CARNS1: variants seen among roughly 807,000 people sequenced by gnomAD.
The protein encoded by CARNS1 is ATP-grasp domain containing 1.
A neutral mutation model predicts 74.0 loss-of-function variants in CARNS1; 61 were observed. That is an observed-to-expected ratio of 0.82 (90% CI 0.67 to 1.02). The LOEUF (loss-of-function observed/expected upper bound fraction) is 1.02. CARNS1 is among the 50% of genes least tolerant of loss of function. CARNS1 has a pLI of 0.00. For missense variants in CARNS1, 1,278 were observed against 1,308.4 expected (o/e 0.98, Z 0.36); for synonymous variants, 568 against 605.5 (o/e 0.94, Z 0.91).
chr11:67,418,446 A>AG lies in CARNS1; in HGVS notation c.292dup (p.Val98GlyfsTer47). 1.4e-6 allele frequency: 2 copies of AG among 1,458,684 alleles called. No individual in the cohort carries two copies. The highest frequency in any genetic ancestry group is 1.8e-6 in the Non-Finnish European group (2 of 1,108,936). The allele number at this position is 1,458,684 out of a possible 1,614,324, so 90.4% of individuals were successfully genotyped here. ...CTTTCCCGAGGCTGTCCTGGGGCGG[A>AG]GGTGACCTTGTGCGTTCTGGGCTCC... On this transcript the variant is annotated frameshift_variant, in exon 4 of 10. Coordinates refer to ENST00000687366, the MANE Select transcript of CARNS1 (RefSeq NM_001166222.2). LOFTEE classifies it high-confidence loss of function.
Position 67,421,086 on chromosome 11 carries a change from C to T in CARNS1, c.1493C>T (p.Ala498Val). 5.8e-6 allele frequency: 8 copies of T among 1,379,142 alleles called. No individual in the cohort carries two copies. The highest frequency in any genetic ancestry group is 6.5e-6 in the Non-Finnish European group (7 of 1,076,212). 85.4% of individuals were successfully genotyped at this position (1,379,142 alleles called of 1,614,324 possible). A position where few individuals can be genotyped will look rare whatever the true frequency, so the allele number is the denominator to read the frequency against. Residue 498 changes from alanine to valine, a missense_variant, in exon 9 of 10, where the codon GCG becomes GTG. Around this residue, in one of 3 missense-constraint regions of CARNS1, gnomAD observed 1,164 missense variants for 1,156.5 expected, o/e 1.01. Coordinates refer to ENST00000687366, the MANE Select transcript of CARNS1 (RefSeq NM_001166222.2). ...RLGPAADEAV[A>V]APLVETMLRR... The stretch of plus-strand genomic sequence containing the variant: ...GGGCCGGCGGCCGACGAGGCGGTGG[C>T]GGCGCCGCTGGTGGAGACCATGCTT...
rs1349938642 is a variant in CARNS1, at chr11:67,421,170, G to A, written c.1577G>A (p.Gly526Asp). 2 of 1,496,622 alleles carry A rather than the reference G, an allele frequency of 1.3e-6. No homozygotes were observed. Among genetic ancestry groups the A allele is most frequent in the Non-Finnish European group, 1.8e-6 (2 of 1,129,130 alleles). The allele number at this position is 1,496,622 out of a possible 1,614,324, so 92.7% of individuals were successfully genotyped here. A position where few individuals can be genotyped will look rare whatever the true frequency, so the allele number is the denominator to read the frequency against. ...GKQLLVVGAGGVSKKFVWEAA... is the reference protein window; with the variant it reads ...GKQLLVVGAGDVSKKFVWEAA... ...CAGCTGCTGGTGGTCGGCGCTGGCG[G>A]CGTCAGCAAGAAGTTCGTGTGGGAG... The change falls in exon 9 of 10, where the codon GGC becomes GAC. Residue 526 changes from glycine to aspartate, a missense_variant. Gly to Asp is a moderately conservative substitution (Grantham distance 94). Around this residue, in one of 3 missense-constraint regions of CARNS1, gnomAD observed 1,164 missense variants for 1,156.5 expected, o/e 1.01. Transcript: ENST00000687366.
chr11:67,419,857 C>T lies in CARNS1; in HGVS notation c.1113+19C>T, dbSNP rs1302689848. On this transcript the variant is annotated intron_variant, in intron 7 of 9. Transcript: ENST00000687366. ...GAGCAAGGTGAGCGTGGCCCAGGCC[C>T]AGGCTGTGACCCTGCCTGCCACACG... The T allele has an allele frequency of 1.9e-6, 3 of 1,560,040 alleles. No individual in the cohort carries two copies. Among genetic ancestry groups the T allele is most frequent in the African/African-American group, 2.7e-5 (2 of 73,260 alleles).
rs1417107853 is a variant in CARNS1, at chr11:67,419,797, G to A, written c.1072G>A (p.Val358Met). 1.9e-6 allele frequency: 3 copies of A among 1,601,678 alleles called. No homozygotes were observed. The highest frequency in any genetic ancestry group is 3.4e-5 in the Admixed American group (2 of 58,550). ...CGGCCTGGCCGTGCGAATCTGTGCT[G>A]TGGTGTGTCGGACACAGGGTGATAG... ...GPGLAVRICA[V>M]VCRTQGDRPL... The change falls in exon 7 of 10, where the codon GTG becomes ATG. Residue 358 changes from valine (V) to methionine (M), a missense_variant. By Grantham distance (21) the Val-to-Met change is conservative. Around this residue, in one of 3 missense-constraint regions of CARNS1, gnomAD observed 1,164 missense variants for 1,156.5 expected, o/e 1.01. Transcript: ENST00000687366.
chr11:67,416,396 A>C, intron 2 of CARNS1, 194 bp downstream of exon 2: 1 of 1,415,864 alleles, frequency 7.1e-7, no homozygotes, highest in Admixed American at 2.7e-5. Context: ...GCCCTGTGAC[A>C]TTCATTCATT....
chr11:67,417,741 G>A, intron 3 of CARNS1, 64 bp downstream of exon 3: 1 of 1,145,532 alleles, frequency 8.7e-7, no homozygotes, highest in Non-Finnish European at 1.1e-6. Flanking sequence ...AGCCCAGTCT[G>A]CTTGCTCATC....
chr11:67,419,187 G>A lies in CARNS1; in HGVS notation c.796G>A (p.Val266Met), dbSNP rs1253004699. Residue 266 changes from valine (V) to methionine (M), a missense_variant, in exon 5 of 10, where the codon GTG becomes ATG. This residue lies in a region of CARNS1 where 1,164 missense variants were observed against 1,156.5 expected (regional missense o/e 1.01). Transcript: ENST00000687366. The stretch of plus-strand genomic sequence containing the variant: ...TGGCAAAGAGGGCCAGGAGACGCTG[G>A]TGAAAGAGGAAGTGGAGGCTTTTCT... ...LSGKEGQETL[V>M]KEEVEAFLRS... The A allele has an allele frequency of 6.6e-7, 1 of 1,523,916 alleles. No homozygotes were observed. The highest frequency in any genetic ancestry group is 2.1e-5 in the Admixed American group (1 of 47,912). The allele number at this position is 1,523,916 out of a possible 1,614,324, so 94.4% of individuals were successfully genotyped here. A position where few individuals can be genotyped will look rare whatever the true frequency, so the allele number is the denominator to read the frequency against.
chr11:67,418,452 C>G lies in CARNS1; in HGVS notation c.296C>G (p.Thr99Ser), dbSNP rs1322916012. The change falls in exon 4 of 10, where the codon ACC becomes AGC. Residue 99 changes from threonine to serine, a missense_variant. Around this residue, in one of 3 missense-constraint regions of CARNS1, gnomAD observed 10 missense variants for 24.7 expected, o/e 0.41. Transcript: ENST00000687366. ...CGAGGCTGTCCTGGGGCGGAGGTGA[C>G]CTTGTGCGTTCTGGGCTCCCCCAGC... is the stretch of plus-strand genomic sequence containing the variant. ...PRTGCPGAEV[T>S]LCVLGSPSTF... is the part of the protein sequence containing the mutation. 2.0e-5 allele frequency: 30 copies of G among 1,463,904 alleles called. No homozygotes were observed. Among genetic ancestry groups the G allele is most frequent in the Non-Finnish European group, 2.4e-5 (27 of 1,111,424 alleles). The allele number at this position is 1,463,904 out of a possible 1,614,324, so 90.7% of individuals were successfully genotyped here. A position where few individuals can be genotyped will look rare whatever the true frequency, so the allele number is the denominator to read the frequency against.
rs781374752 is a variant in CARNS1 at position 67,423,818 on chromosome 11, T to C, written c.2070T>C (p.Asp690=). The C allele has an allele frequency of 1.1e-5, 17 of 1,608,972 alleles. No individual in the cohort carries two copies. Among genetic ancestry groups the C allele is most frequent in the Middle Eastern group, 1.6e-4 (1 of 6,076 alleles). The change falls in exon 10 of 10, where the codon GAT becomes GAC. Residue 690 remains aspartate, a synonymous_variant. Coordinates refer to ENST00000687366, the MANE Select transcript of CARNS1 (RefSeq NM_001166222.2). The surrounding 1 kb of genome is among the most constrained non-coding windows in gnomAD (Gnocchi z 5.1). The part of the protein sequence containing the change: ...AGAVGVRLVE[D]APQCHEHFSR... ...CAGTGGGTGTCCGGCTGGTAGAGGA[T>C]GCGCCACAGTGCCATGAGCACTTTT...
At position 67,417,510 on chromosome 11, in the gene CARNS1, G is replaced by A. The variant is rs1326082602; in HGVS notation, c.107G>A (p.Gly36Asp). 1 of 1,433,592 alleles carries A rather than the reference G, an allele frequency of 7.0e-7. No individual in the cohort carries two copies. Among genetic ancestry groups the A allele is most frequent in the Admixed American group, 2.9e-5 (1 of 34,650 alleles). 88.8% of individuals were successfully genotyped at this position (1,433,592 alleles called of 1,614,324 possible). A position where few individuals can be genotyped will look rare whatever the true frequency, so the allele number is the denominator to read the frequency against. Residue 36 changes from glycine to aspartate, a missense_variant, in exon 3 of 10, where the codon GGC (glycine) becomes GAC (aspartate). Physicochemically the swap from Gly to Asp is moderately conservative, Grantham distance 94. This residue lies in a region of CARNS1 where 104 missense variants were observed against 127.3 expected (regional missense o/e 0.82). Coordinates refer to ENST00000687366, the MANE Select transcript of CARNS1 (RefSeq NM_001166222.2). ...GGGGGCTCTGGCCTGCCGCCCACAGGCTGCTTCCCTGGCTCCTGGCGCCAG... is the reference window on the plus strand; with the variant it reads ...GGGGGCTCTGGCCTGCCGCCCACAGACTGCTTCCCTGGCTCCTGGCGCCAG... Reference protein sequence around the residue: ...WGGGSGLPPTGCFPGSWRQDV... With the variant: ...WGGGSGLPPTDCFPGSWRQDV...
rs966977392 is a variant in CARNS1, at chr11:67,421,179, A to G, written c.1586A>G (p.Lys529Arg). Reference protein sequence around the residue: ...LLVVGAGGVSKKFVWEAARDY... With the variant: ...LLVVGAGGVSRKFVWEAARDY... Reference sequence around the variant, plus strand: ...GTGGTCGGCGCTGGCGGCGTCAGCAAGAAGTTCGTGTGGGAGGCGGCGCGC... The same window carrying G: ...GTGGTCGGCGCTGGCGGCGTCAGCAGGAAGTTCGTGTGGGAGGCGGCGCGC... Residue 529 changes from lysine to arginine, a missense_variant, in exon 9 of 10, where the codon AAG (lysine) becomes AGG (arginine). Around this residue, in one of 3 missense-constraint regions of CARNS1, gnomAD observed 1,164 missense variants for 1,156.5 expected, o/e 1.01. Coordinates refer to ENST00000687366, the MANE Select transcript of CARNS1 (RefSeq NM_001166222.2). 2.0e-6 allele frequency: 3 copies of G among 1,495,910 alleles called. No individual in the cohort carries two copies. The highest frequency in any genetic ancestry group is 1.2e-5 in the South Asian group (1 of 80,228). The allele number at this position is 1,495,910 out of a possible 1,614,324, so 92.7% of individuals were successfully genotyped here. A position where few individuals can be genotyped will look rare whatever the true frequency, so the allele number is the denominator to read the frequency against.
Position 67,424,392 on chromosome 11 carries a change from C to G in CARNS1, c.2644C>G (p.Leu882Val). ...GAGTTCCACCGCCAGCCGTGAGACC[C>G]TGCAGGCCCTGCACGACCGTGGACT... The part of the protein sequence containing the change: ...ALSSTASRET[L>V]QALHDRGLLR... The change falls in exon 10 of 10, where the codon CTG becomes GTG. Residue 882 changes from leucine (L) to valine (V), a missense_variant. This residue lies in a region of CARNS1 where 1,164 missense variants were observed against 1,156.5 expected (regional missense o/e 1.01). Transcript: ENST00000687366. 1 of 1,592,086 alleles carries G rather than the reference C, an allele frequency of 6.3e-7. No homozygotes were observed. The highest frequency in any genetic ancestry group is 8.6e-7 in the Non-Finnish European group (1 of 1,169,478).
intron 9 of CARNS1, among the ~76,000 whole-genome samples, chr11:67,422,523 C>T (rs983517882): frequency 6.6e-5 from 10 of 152,064 alleles, no homozygotes; most frequent in East Asian, 3.9e-4. Context: ...GACGGGATCT[C>T]GCTCTGTTGC....
In CARNS1 at chr11:67,419,008, TGGCCCGGCTGCTGGA is replaced by T. The variant is rs1565135320; in HGVS notation, c.620_634del (p.Ala207_Glu211del). On this transcript the variant is annotated inframe_deletion, in exon 5 of 10. Coordinates refer to ENST00000687366, the MANE Select transcript of CARNS1 (RefSeq NM_001166222.2). ...TGCCCCACAGGAGCTTCGGCTGAGC[TGGCCCGGCTGCTGGA>T]GGACCGGCTGCTGACAAGGCAGTTG... The T allele has an allele frequency of 1.9e-6, 3 of 1,559,992 alleles. No homozygotes were observed. In the Admixed American group the frequency reaches 5.7e-5, roughly 30 times the overall value.
At chr11:67,417,068 G>A in intron 2 of CARNS1, 1 of 1,071,086 alleles carries the variant, frequency 9.3e-7, no homozygotes, top group Non-Finnish European at 1.1e-6. Context: ...TAGGTGCTGG[G>A]GTTGCCTCCA....
chr11:67,422,907 C>G (rs1863743500), intron 9 of CARNS1, among the ~76,000 whole-genome samples: 1 of 152,234 alleles, frequency 6.6e-6, no homozygotes, highest in Non-Finnish European at 1.5e-5. Flanking sequence ...GGCACGGGGC[C>G]CCACTGGATT....
chr11:67,424,790 C>A lies in CARNS1; in HGVS notation c.*189C>A. The A allele has an allele frequency of 1.5e-6, 1 of 679,968 alleles. No individual in the cohort carries two copies. The highest frequency in any genetic ancestry group is 2.5e-6 in the Non-Finnish European group (1 of 404,020). The allele number at this position is 679,968 out of a possible 1,614,324, so 42.1% of individuals were successfully genotyped here. A position where few individuals can be genotyped will look rare whatever the true frequency, so the allele number is the denominator to read the frequency against. On this transcript the variant is annotated 3_prime_UTR_variant, in exon 10 of 10. Transcript: ENST00000687366. ...CAAGGCATCCTGGACTCAAGGGCCT[C>A]TTGCCCTCCCGAAGGCCCCAGTCCA...
Position 67,424,819 on chromosome 11 carries a change from T to C in CARNS1, c.*218T>C. On this transcript the variant is annotated 3_prime_UTR_variant, in exon 10 of 10. Coordinates refer to ENST00000687366, the MANE Select transcript of CARNS1 (RefSeq NM_001166222.2). Reference sequence around the variant, plus strand: ...CCCTCCCGAAGGCCCCAGTCCAGCCTACAGCTTCCCCAGCATTCTAGCCTT... The same window carrying C: ...CCCTCCCGAAGGCCCCAGTCCAGCCCACAGCTTCCCCAGCATTCTAGCCTT... The C allele has an allele frequency of 4.8e-6, 3 of 629,514 alleles. No homozygotes were observed. The highest frequency in any genetic ancestry group is 8.5e-6 in the Non-Finnish European group (3 of 351,632). 39.0% of individuals were successfully genotyped at this position (629,514 alleles called of 1,614,324 possible). A position where few individuals can be genotyped will look rare whatever the true frequency, so the allele number is the denominator to read the frequency against.
rs561620694 is a variant in CARNS1 at position 67,420,051 on chromosome 11, CCT to C, written c.1113+214_1113+215del. On this transcript the variant is annotated intron_variant, in intron 7 of 9. Transcript: ENST00000687366. ...CCCTCCCACACCAAGAGCCCCTGCC[CCT>C]GTGCTCAGCCCCACGCTGGGTAGTA... Among the ~76,000 whole-genome samples the C allele has an allele frequency of 6.6e-5, 10 of 152,334 alleles. No individual in the cohort carries two copies. In the South Asian group the frequency reaches 2.1e-3, roughly 32 times the overall value.
Sources: gnomAD v4.1 joint callset for allele counts (sites outside exome capture counted in the v4.1 genomes callset) on GRCh38, gnomAD v4.1.1 for gene constraint, gnomAD v4.1.1 regional missense constraint, Gnocchi (gnomAD v3.1) non-coding constraint, MANE v1.5 for transcripts, NCBI Gene and HGNC (gene_info 2026-07-23, HGNC 2026-07-21) for gene names.